AGBL1: variants seen among roughly 807,000 people sequenced by gnomAD.
AGBL1 encodes AGBL carboxypeptidase 1, also known as cytosolic carboxypeptidase 4.
In AGBL1, 130 loss-of-function variants were observed where a neutral mutation model predicts 118.9. The observed-to-expected ratio is 1.09, with a 90% CI of 0.95 to 1.26. The LOEUF is 1.26. Ranked by LOEUF, AGBL1 falls within the 50% of genes most tolerant of loss-of-function variation. The pLI is 0.00. For synonymous variants in AGBL1, 555 were observed against 478.9 expected (o/e 1.16, Z -2.08); for missense variants, 1,584 against 1,298.1 (o/e 1.22, Z -3.38).
rs577200782 is a variant in AGBL1, at chr15:86,795,639, CAATG to C, written c.3159-111447_3159-111444del. On this transcript the variant is annotated intron_variant, in intron 22 of 22. Transcript: ENST00000614907. ...CACTCTTGTCACCCAGGCTGGAGTGCAATGGCGCGATCTCAGTTCATTTCAACCT... is the reference window on the plus strand; with the variant it reads ...CACTCTTGTCACCCAGGCTGGAGTGCGCGCGATCTCAGTTCATTTCAACCT... Among the ~76,000 whole-genome samples the C allele has an allele frequency of 2.9e-3, 434 of 150,384 alleles. 1 individual carries two copies. Among genetic ancestry groups the C allele is most frequent in the Admixed American group, 7.1e-3 (107 of 15,000 alleles).
intron 22 of AGBL1, among the ~76,000 whole-genome samples, chr15:86,775,033 C>T (rs962145217): frequency 2.0e-5 from 3 of 152,132 alleles, no homozygotes; most frequent in African/African-American, 7.2e-5. Context: ...ACAGACAACC[C>T]CTGCTCTATG....
chr15:86,843,514 CG>C (rs1389530492), intron 22 of AGBL1, among the ~76,000 whole-genome samples: 15 of 55,736 alleles, frequency 2.7e-4, no homozygotes, highest in African/African-American at 6.7e-4. Flanking sequence ...ATCAAGACCC[CG>C]TTTTTTTTTG....
chr15:86,765,421 G>T (rs2078083075), intron 22 of AGBL1, among the ~76,000 whole-genome samples: 1 of 151,978 alleles, frequency 6.6e-6, no homozygotes, highest in Non-Finnish European at 1.5e-5. Context: ...GACAGGCTCT[G>T]CTATGAGACA....
chr15:86,892,064 T>A lies in AGBL1; in HGVS notation c.3159-15023T>A, dbSNP rs551278594. Reference sequence around the variant, plus strand: ...CCACTTAGGTCAACCCATTTTTTCATAAGTTATGAGAACTTAAGAGAAAAG... The same window carrying A: ...CCACTTAGGTCAACCCATTTTTTCAAAAGTTATGAGAACTTAAGAGAAAAG... On this transcript the variant is annotated intron_variant, in intron 22 of 22. Coordinates refer to ENST00000614907, the MANE Select transcript of AGBL1 (RefSeq NM_001386094.1). 1.1e-3 allele frequency among the ~76,000 whole-genome samples: 162 copies of A among 152,324 alleles called. 1 individual carries two copies. The South Asian group carries it at 0.011, about 10-fold the overall frequency.
At chr15:86,177,410 A>G (rs1048119483) in intron 5 of AGBL1, among the ~76,000 whole-genome samples, 4 of 152,232 alleles carry the variant, frequency 2.6e-5, no homozygotes, top group African/African-American at 9.6e-5. Flanking sequence ...ATCAGTAAGA[A>G]TATAGATGAT....
chr15:86,609,126 C>T (rs1368133746), intron 21 of AGBL1, among the ~76,000 whole-genome samples: 6 of 152,112 alleles, frequency 3.9e-5, no homozygotes, highest in Admixed American at 2.6e-4. Flanking sequence ...GCTGTCTGAT[C>T]CAACCCACAC....
At chr15:87,026,755 A>G (rs181491164) in intron 24 of AGBL1, among the ~76,000 whole-genome samples, 76 of 152,200 alleles carry the variant, frequency 5.0e-4, no homozygotes, top group Admixed American at 2.7e-3. Context: ...ATCAATTGAT[A>G]AGTGGATAAA....
intron 19 of AGBL1, among the ~76,000 whole-genome samples, chr15:86,524,091 A>G (rs1409271696): frequency 6.6e-6 from 1 of 152,254 alleles, no homozygotes; most frequent in African/African-American, 2.4e-5. Flanking sequence ...TATTTTTAAA[A>G]TGGATGAATA....
intron 5 of AGBL1, among the ~76,000 whole-genome samples, chr15:86,193,046 A>G (rs868148866): frequency 9.8e-5 from 15 of 152,316 alleles, no homozygotes; most frequent in Admixed American, 3.3e-4. Flanking sequence ...TATTTTTTAG[A>G]AAAATAAATA....
intron 10 of AGBL1, 85 bp downstream of exon 10, chr15:86,262,979 A>G: frequency 1.1e-6 from 1 of 925,052 alleles, no homozygotes; most frequent in South Asian, 1.5e-5. Flanking sequence ...GGGTGTCCAG[A>G]TGGAAAGCAT....
intron 5 of AGBL1, among the ~76,000 whole-genome samples, chr15:86,190,692 G>A (rs918019683): frequency 5.9e-5 from 9 of 152,028 alleles, no homozygotes; most frequent in East Asian, 1.9e-4. Flanking sequence ...ACCTCCAACC[G>A]AACATCTGAG....
chr15:86,993,257 C>T (rs1418678358), intron 24 of AGBL1, among the ~76,000 whole-genome samples: 2 of 152,110 alleles, frequency 1.3e-5, no homozygotes, highest in Non-Finnish European at 2.9e-5. Context: ...CCTTGTAACC[C>T]CAGTTTATTC....
At chr15:86,288,047 C>T (rs545179145) in intron 16 of AGBL1, among the ~76,000 whole-genome samples, 3 of 152,308 alleles carry the variant, frequency 2.0e-5, no homozygotes, top group Non-Finnish European at 2.9e-5. Context: ...GTTCACACCA[C>T]AGCACTTACA....
intron 21 of AGBL1, among the ~76,000 whole-genome samples, chr15:86,571,416 T>C (rs1382588998): frequency 6.6e-6 from 1 of 152,154 alleles, no homozygotes; most frequent in South Asian, 2.1e-4. Context: ...TATTGAGCAA[T>C]GGAATAGCTC....
intron 21 of AGBL1, among the ~76,000 whole-genome samples, chr15:86,555,198 A>T (rs1287773714): frequency 1.3e-5 from 2 of 152,208 alleles, no homozygotes; most frequent in Admixed American, 1.3e-4. Flanking sequence ...ACTCCCCCAT[A>T]GAGAAGCATA....
At chr15:86,688,445 T>A (rs939756209) in intron 22 of AGBL1, among the ~76,000 whole-genome samples, 7 of 152,128 alleles carry the variant, frequency 4.6e-5, no homozygotes, top group African/African-American at 1.7e-4. Context: ...GTTATCTAAC[T>A]CTTTTCCAAG....
chr15:86,284,224 C>A (rs2079404835), intron 16 of AGBL1, among the ~76,000 whole-genome samples: 2 of 150,058 alleles, frequency 1.3e-5, no homozygotes, highest in African/African-American at 4.9e-5. Context: ...GACCCCTCCT[C>A]AAAAATTACA....
At chr15:86,610,653 G>C (rs1172551635) in intron 21 of AGBL1, among the ~76,000 whole-genome samples, 2 of 152,136 alleles carry the variant, frequency 1.3e-5, no homozygotes, top group African/African-American at 4.8e-5. Flanking sequence ...AGAATAAAAG[G>C]AATGTTTCTG....
intron 21 of AGBL1, among the ~76,000 whole-genome samples, chr15:86,672,593 G>A (rs2085766373): frequency 6.6e-6 from 1 of 152,160 alleles, no homozygotes; most frequent in Admixed American, 6.5e-5. Flanking sequence ...GCAGGCAGGT[G>A]TGACCTTCAC....
Sources: gnomAD v4.1 joint callset for allele counts (sites outside exome capture counted in the v4.1 genomes callset) on GRCh38, gnomAD v4.1.1 for gene constraint, MANE v1.5 for transcripts, NCBI Gene and HGNC (gene_info 2026-07-23, HGNC 2026-07-21) for gene names.